Variants in AOPEP observed in about 807,000 individuals in gnomAD.
The protein encoded by AOPEP is aminopeptidase O.
AOPEP carries 77 observed loss-of-function variants against 98.1 expected under a neutral mutation model. That is an observed-to-expected ratio of 0.78 (90% confidence interval 0.65 to 0.95). The LOEUF (loss-of-function observed/expected upper bound fraction) is 0.95. Among genes scored for constraint, AOPEP ranks in the 40% least tolerant of loss-of-function variants. The pLI, the probability that AOPEP is intolerant of heterozygous loss-of-function variation, is 0.00. For synonymous variants in AOPEP, 346 were observed against 365.3 expected (o/e 0.95, Z 0.60); for missense variants, 1,024 against 1,024.7 (o/e 1.00, Z 0.01).
intron 13 of AOPEP, among the ~76,000 whole-genome samples, chr9:95,030,963 C>T (rs903561891): frequency 6.6e-6 from 1 of 152,250 alleles, no homozygotes; most frequent in Non-Finnish European, 1.5e-5. Flanking sequence ...TTCAAAGTAG[C>T]ATAATCAAAT....
At chr9:95,020,346 T>C (rs1271020811) in intron 13 of AOPEP, 2 of 152,218 alleles carry the variant, frequency 1.3e-5, no homozygotes, top group Non-Finnish European at 2.9e-5. Flanking sequence ...CCATCCTTTG[T>C]AGACTAGACA....
the AOPEP span, among the ~76,000 whole-genome samples, chr9:95,118,769 G>A: frequency 1.1e-4 from 16 of 152,346 alleles, no homozygotes; most frequent in South Asian, 2.1e-4. Context: ...TTGCTCAGAA[G>A]TAGTCTGAAT....
intron 2 of AOPEP, among the ~76,000 whole-genome samples, chr9:94,768,326 G>GTGGAAC (rs1461028198): frequency 6.6e-5 from 10 of 152,250 alleles, no homozygotes; most frequent in Middle Eastern, 3.4e-3. Flanking sequence ...ATGGACTGTA[G>GTGGAAC]TGGAACTTAA....
Position 95,069,704 on chromosome 9 carries a change from C to T in AOPEP, c.2232+8894C>T, listed in dbSNP as rs191327250. ...TATCATACTTGACGTTTGTATTTGA[C>T]ATCAATATTTGATGTTTGTCATCAC... On this transcript the variant is annotated intron_variant, in intron 14 of 16. Coordinates refer to ENST00000375315, the MANE Select transcript of AOPEP (RefSeq NM_001193329.3). Among the ~76,000 whole-genome samples, 8 of 152,372 alleles carry T rather than the reference C, an allele frequency of 5.3e-5. No homozygotes were observed. In the East Asian group the frequency reaches 1.5e-3, roughly 29 times the overall value.
chr9:94,824,410 T>C (rs1393273578), intron 5 of AOPEP: 1 of 152,246 alleles, frequency 6.6e-6, no homozygotes, highest in African/African-American at 2.4e-5. Context: ...CTTGTGTTTA[T>C]GAATGCAGAG....
At chr9:94,856,386 A>C (rs555437468) in intron 5 of AOPEP, among the ~76,000 whole-genome samples, 1 of 152,334 alleles carries the variant, frequency 6.6e-6, no homozygotes, top group Admixed American at 6.5e-5. Flanking sequence ...TCACGCCTGT[A>C]ATCCCAGCAC....
rs1311551401 is a variant in AOPEP, at chr9:94,760,187, G to A, written c.404G>A (p.Gly135Glu). The change falls in exon 2 of 17, where the codon GGG (glycine) becomes GAG (glutamate). Residue 135 changes from glycine (G) to glutamate (E), a missense_variant. By Grantham distance (98) the Gly-to-Glu change is moderately conservative. Around this residue, in one of 3 missense-constraint regions of AOPEP, gnomAD observed 440 missense variants for 433.8 expected, o/e 1.01. Transcript: ENST00000375315. ...AGCTCAAAGTACTGCTGTGACACAG[G>A]GAATCATGGGAGTGAGGATTTTTTG... Reference protein sequence around the residue: ...ISSSKYCCDTGNHGSEDFLLV... With the variant: ...ISSSKYCCDTENHGSEDFLLV... 1 of 1,614,066 alleles carries A rather than the reference G, an allele frequency of 6.2e-7. No homozygotes were observed. Among genetic ancestry groups the A allele is most frequent in the Non-Finnish European group, 8.5e-7 (1 of 1,180,050 alleles).
chr9:95,083,161 A>G (rs890484458), intron 16 of AOPEP: 1 of 178,108 alleles, frequency 5.6e-6, no homozygotes, highest in African/African-American at 2.4e-5. Context: ...TTCTGCAAGC[A>G]GATGTTTTCT....
chr9:95,057,711 T>C (rs2066947786), intron 13 of AOPEP, among the ~76,000 whole-genome samples: 2 of 151,818 alleles, frequency 1.3e-5, no homozygotes, highest in African/African-American at 4.9e-5. Context: ...TGTTCACTGA[T>C]TTTTTTTCCC....
intron 11 of AOPEP, among the ~76,000 whole-genome samples, chr9:94,988,077 G>C (rs943995564): frequency 9.2e-5 from 14 of 152,136 alleles, no homozygotes; most frequent in African/African-American, 3.4e-4. Context: ...TTAGCTCCTT[G>C]GTTTCTGACT....
At chr9:94,952,082 T>C (rs1291840778) in intron 7 of AOPEP, among the ~76,000 whole-genome samples, 2 of 152,190 alleles carry the variant, frequency 1.3e-5, no homozygotes, top group African/African-American at 4.8e-5. Context: ...ACCAGTTGGA[T>C]TTGCCACAGC....
At chr9:94,785,273 A>G (rs1453040907) in intron 3 of AOPEP, among the ~76,000 whole-genome samples, 1 of 152,234 alleles carries the variant, frequency 6.6e-6, no homozygotes. Context: ...TGATTTGAAA[A>G]TTGATCCATT....
intron 16 of AOPEP, chr9:95,085,963 G>A (rs1450381469): frequency 3.7e-6 from 5 of 1,350,388 alleles, no homozygotes; most frequent in Middle Eastern, 5.3e-4. Context: ...CCAGCAGACG[G>A]TGCCCACGGA....
At chr9:95,108,416 G>A in the AOPEP span, among the ~76,000 whole-genome samples, 1 of 152,220 alleles carries the variant, frequency 6.6e-6, no homozygotes, top group Non-Finnish European at 1.5e-5. Flanking sequence ...CAGGGTTTAG[G>A]AGGCTATGCC....
chr9:95,019,639 C>T (rs2063301965), intron 13 of AOPEP: 1 of 152,130 alleles, frequency 6.6e-6, no homozygotes, highest in Admixed American at 6.5e-5. Flanking sequence ...CAAAAGTGTA[C>T]TCTAGTTTTC....
chr9:95,022,048 G>A (rs1387696055), intron 13 of AOPEP: 1 of 152,216 alleles, frequency 6.6e-6, no homozygotes, highest in Non-Finnish European at 1.5e-5. Context: ...TTCAATGGGA[G>A]GGGAGAAGAG....
At chr9:94,899,287 C>CCA (rs1588772750) in intron 5 of AOPEP, among the ~76,000 whole-genome samples, 2 of 146,392 alleles carry the variant, frequency 1.4e-5, no homozygotes, top group Non-Finnish European at 3.0e-5. Flanking sequence ...TGGGTTCACG[C>CCA]CATTCTCCTG....
In AOPEP at chr9:95,025,053, CATT is replaced by C. The variant is rs2063736993; in HGVS notation, c.2115+19440_2115+19442del. ...ATCATATAATTTATAAAAATCAAATCATTATATTTGGGATCTCAATCAACTTAA... is the reference window on the plus strand; with the variant it reads ...ATCATATAATTTATAAAAATCAAATCATATTTGGGATCTCAATCAACTTAA... On this transcript the variant is annotated intron_variant, in intron 13 of 16. Transcript: ENST00000375315. Among the ~76,000 whole-genome samples the C allele has an allele frequency of 3.3e-5, 5 of 152,240 alleles. No individual in the cohort carries two copies. In the South Asian group the frequency reaches 1.0e-3, roughly 32 times the overall value.
chr9:94,789,905 G>A (rs1845284467), intron 3 of AOPEP, among the ~76,000 whole-genome samples: 1 of 150,622 alleles, frequency 6.6e-6, no homozygotes, highest in Admixed American at 6.6e-5. Flanking sequence ...ACGGAGTCTC[G>A]CTCTGTGGCC....
Sources: gnomAD v4.1 joint callset for allele counts (sites outside exome capture counted in the v4.1 genomes callset) on GRCh38, gnomAD v4.1.1 for gene constraint, gnomAD v4.1.1 regional missense constraint, MANE v1.5 for transcripts, NCBI Gene and HGNC (gene_info 2026-07-23, HGNC 2026-07-21) for gene names.